Variants in NREP observed in about 807,000 individuals in gnomAD.
NREP encodes the protein neuronal regeneration-related protein.
A neutral mutation model predicts 8.6 loss-of-function variants in NREP; 5 were observed. The ratio of observed to expected loss-of-function variants is 0.58; its 90% CI spans 0.30 to 1.22. NREP has a LOEUF of 1.22. NREP is among the 50% of genes most tolerant of loss of function. NREP has a pLI of 0.07. For synonymous variants in NREP, 27 were observed against 28.0 expected, an observed-to-expected ratio of 0.96 and a Z score of 0.11; for missense variants, 86 against 82.5, an observed-to-expected ratio of 1.04 and a Z score of -0.17.
intron 2 of NREP, among the ~76,000 whole-genome samples, chr5:111,800,456 C>T (rs1430184388): frequency 1.3e-5 from 2 of 152,184 alleles, no homozygotes; most frequent in African/African-American, 4.8e-5. Context: ...TCTGCTGTTG[C>T]TTTCTTGAAA....
At chr5:111,811,792 T>C (rs1014222335) in intron 2 of NREP, among the ~76,000 whole-genome samples, 3 of 152,228 alleles carry the variant, frequency 2.0e-5, no homozygotes, top group Non-Finnish European at 2.9e-5. Flanking sequence ...AGGGTTTTTT[T>C]CTATACAGTG....
chr5:111,868,616 G>A (rs1322410484), intron 2 of NREP, among the ~76,000 whole-genome samples: 1 of 152,150 alleles, frequency 6.6e-6, no homozygotes, highest in African/African-American at 2.4e-5. Flanking sequence ...GACAACTGCT[G>A]TTTTTAGAAG....
At chr5:111,804,582 T>A (rs1043463040) in intron 2 of NREP, among the ~76,000 whole-genome samples, 1 of 152,100 alleles carries the variant, frequency 6.6e-6, no homozygotes, top group South Asian at 2.1e-4. Flanking sequence ...AAATAATTTG[T>A]CCAAAAATCA....
chr5:111,863,778 C>G (rs893359921), intron 2 of NREP, among the ~76,000 whole-genome samples: 2 of 152,192 alleles, frequency 1.3e-5, no homozygotes, highest in Admixed American at 1.3e-4. Context: ...TCAAAGATGG[C>G]TCATACACAT....
chr5:111,884,416 T>C (rs1197805474), intron 2 of NREP, among the ~76,000 whole-genome samples: 35 of 152,056 alleles, frequency 2.3e-4, no homozygotes, highest in Admixed American at 1.1e-3. Context: ...CTGGTACCAT[T>C]CCTTCTGAAA....
intron 2 of NREP, among the ~76,000 whole-genome samples, chr5:111,920,009 A>G (rs1755192866): frequency 1.4e-5 from 2 of 142,950 alleles, no homozygotes; most frequent in African/African-American, 5.1e-5. Context: ...AGTCATATGC[A>G]TGCTCATATG....
At chr5:111,935,421 A>G (rs1205148155) in intron 2 of NREP, among the ~76,000 whole-genome samples, 1 of 152,066 alleles carries the variant, frequency 6.6e-6, no homozygotes, top group Admixed American at 6.6e-5. Flanking sequence ...CCAAGGACTG[A>G]GGACTAGAGG....
At chr5:111,893,065 T>C (rs6895895) in intron 2 of NREP, among the ~76,000 whole-genome samples, 513 of 152,294 alleles carry the variant, frequency 3.4e-3, no homozygotes, top group African/African-American at 0.011. Context: ...GAAGTCCAGC[T>C]CAGGCAGAAA....
chr5:111,971,714 A>G (rs1756824459), intron 2 of NREP, among the ~76,000 whole-genome samples: 1 of 152,190 alleles, frequency 6.6e-6, no homozygotes, highest in African/African-American at 2.4e-5. Flanking sequence ...ATCATAGACA[A>G]AAGTAAACTC....
chr5:111,757,258 G>A (rs1441379141), upstream of NREP: 250 of 294,004 alleles, frequency 8.5e-4, no homozygotes, highest in Admixed American at 1.5e-3. Flanking sequence ...GGGGGAGGGA[G>A]GGGGAGGGGA....
chr5:111,757,061 A>G, intron 1 of NREP, 75 bp downstream of exon 1: 1 of 256,640 alleles, frequency 3.9e-6, no homozygotes, highest in Non-Finnish European at 6.1e-6. Flanking sequence ...GGGTCCAGCT[A>G]AGAGCAACGG....
Position 111,810,638 on chromosome 5 carries a change from C to T in NREP, c.136-75131G>A, listed in dbSNP as rs538429626. Among the ~76,000 whole-genome samples the T allele has an allele frequency of 3.3e-5, 5 of 152,264 alleles. No individual in the cohort carries two copies. The East Asian group carries it at 9.6e-4, about 29-fold the overall frequency. On this transcript the variant is annotated intron_variant, in intron 2 of 3. Transcript: ENST00000395634. The stretch of plus-strand genomic sequence containing the variant: ...CTCATGAAACAGAAATAACATTCAA[C>T]TTTCAACCTATAGAACCACAATACA...
chr5:111,801,420 C>T (rs1390839946), intron 2 of NREP, among the ~76,000 whole-genome samples: 2 of 152,270 alleles, frequency 1.3e-5, no homozygotes, highest in Non-Finnish European at 2.9e-5. Context: ...TCCCTTCTCC[C>T]TTCTTTACTT....
intron 2 of NREP, among the ~76,000 whole-genome samples, chr5:111,895,829 A>G (rs1754496745): frequency 6.6e-6 from 1 of 152,176 alleles, no homozygotes; most frequent in East Asian, 1.9e-4. Context: ...GAAACTCTGT[A>G]ACTGAGAACC....
At chr5:111,959,156 CA>C (rs1474442603) in intron 2 of NREP, among the ~76,000 whole-genome samples, 1 of 151,670 alleles carries the variant, frequency 6.6e-6, no homozygotes, top group African/African-American at 2.4e-5. Context: ...CCAAAAAAAG[CA>C]AAAAGAAAGA....
At chr5:111,845,934 A>G (rs1581161596) in intron 2 of NREP, 1 of 152,192 alleles carries the variant, frequency 6.6e-6, no homozygotes, top group East Asian at 1.9e-4. Context: ...TTAAGTGCAC[A>G]ACTATGACTC....
At chr5:111,939,894 A>G (rs1158345372) in intron 2 of NREP, 6 of 152,096 alleles carry the variant, frequency 3.9e-5, no homozygotes, top group African/African-American at 1.4e-4. Flanking sequence ...ATCTTTAAAA[A>G]GAAACACATA....
chr5:111,758,315 T>G, upstream of NREP: 1 of 939,590 alleles, frequency 1.1e-6, no homozygotes, highest in Non-Finnish European at 1.3e-6. Context: ...TGCTTCCTTC[T>G]CCTTCCCTAT....
intron 2 of NREP, among the ~76,000 whole-genome samples, chr5:111,821,036 G>A (rs1214877643): frequency 6.6e-6 from 1 of 152,172 alleles, no homozygotes; most frequent in Non-Finnish European, 1.5e-5. Context: ...GGGTAGGTCT[G>A]AAGTCAGTGT....
Sources: gnomAD v4.1 joint callset for allele counts (sites outside exome capture counted in the v4.1 genomes callset) on GRCh38, gnomAD v4.1.1 for gene constraint, MANE v1.5 for transcripts, NCBI Gene and HGNC (gene_info 2026-07-23, HGNC 2026-07-21) for gene names.